The following ARHGEF15 variants were observed in gnomAD, a reference collection of about 807,000 sequenced individuals.
ARHGEF15 encodes the protein Rho guanine nucleotide exchange factor 15.
Under a neutral mutation model 79.7 loss-of-function variants are expected in ARHGEF15, and 58 were observed. That is an observed-to-expected ratio of 0.73 (90% CI 0.59 to 0.91). The LOEUF is 0.91. Ranked by LOEUF, ARHGEF15 falls within the 40% of genes least tolerant of loss-of-function variation. ARHGEF15 has a pLI of 0.00. For missense variants in ARHGEF15, 1,012 were observed against 1,108.1 expected (o/e 0.91, Z 1.23); for synonymous variants, 442 against 456.0 (o/e 0.97, Z 0.39).
At chr17:8,312,753 A>G (rs780727510) in intron 2 of ARHGEF15, 113 bp downstream of exon 2, 3 of 1,594,426 alleles carry the variant, frequency 1.9e-6, no homozygotes, top group Non-Finnish European at 2.6e-6. Flanking sequence ...AATGTTTGGG[A>G]TATCTGGTTT....
At chr17:8,313,776 T>G in intron 4 of ARHGEF15, 1 of 431,394 alleles carries the variant, frequency 2.3e-6, no homozygotes. Flanking sequence ...ACATCTGTAA[T>G]CCCAGCACTC....
At position 8,315,117 on chromosome 17, in the gene ARHGEF15, G is replaced by A. The variant is rs1323776395; in HGVS notation, c.1100G>A (p.Gly367Glu). ...RAAVLSEELW[G>E]VGEDGSPSPA... Reference sequence around the variant, plus strand: ...GCCGTGCTGTCAGAGGAGCTGTGGGGGGTGGGTGAGGATGGGAGTCCTTCT... The same window carrying A: ...GCCGTGCTGTCAGAGGAGCTGTGGGAGGTGGGTGAGGATGGGAGTCCTTCT... The change falls in exon 6 of 16, where the codon GGG (glycine) becomes GAG (glutamate). Residue 367 changes from glycine to glutamate, a missense_variant. By Grantham distance (98) the Gly-to-Glu change is moderately conservative. Coordinates refer to ENST00000361926, the MANE Select transcript of ARHGEF15 (RefSeq NM_173728.4). The surrounding 1 kb of genome is among the most constrained non-coding windows in gnomAD (Gnocchi z 4.3). 1.9e-6 allele frequency: 3 copies of A among 1,614,002 alleles called. No individual in the cohort carries two copies. The East Asian group carries it at 6.7e-5, about 36-fold the overall frequency.
chr17:8,319,959 A>G (rs1421204425), intron 15 of ARHGEF15, among the ~76,000 whole-genome samples: 5 of 147,112 alleles, frequency 3.4e-5, no homozygotes, highest in Admixed American at 2.7e-4. Context: ...TTTTTTTTTA[A>G]TGGAGGTGGG....
rs771180941 is a variant in ARHGEF15, at chr17:8,315,775, C to T, written c.1442C>T (p.Ser481Phe). The T allele has an allele frequency of 6.2e-7, 1 of 1,613,346 alleles. No individual in the cohort carries two copies. The highest frequency in any genetic ancestry group is 1.7e-5 in the Admixed American group (1 of 59,994). Residue 481 changes from serine (S) to phenylalanine (F), a missense_variant, in exon 8 of 16, where the codon TCC (serine) becomes TTC (phenylalanine). Around this residue, in one of 3 missense-constraint regions of ARHGEF15, gnomAD observed 818 missense variants for 882.5 expected, o/e 0.93. Transcript: ENST00000361926. This position sits in a 1 kb window ranked among gnomAD's most constrained non-coding sequence, Gnocchi z 4.3. The part of the protein sequence containing the change: ...VSERFLATLL[S>F]RVRSSPHISD... ...TTCAGGTTTCTAGCAACGCTCCTGT[C>T]CCGTGTGCGCTCTTCCCCCCACATC...
rs575679781 is a variant in ARHGEF15, at chr17:8,321,288, C to T, written c.*295C>T. 6.6e-6 allele frequency: 2 copies of T among 304,812 alleles called. No individual in the cohort carries two copies. The highest frequency in any genetic ancestry group is 9.2e-5 in the Admixed American group (2 of 21,656). 18.9% of individuals were successfully genotyped at this position (304,812 alleles called of 1,614,324 possible). A position where few individuals can be genotyped will look rare whatever the true frequency, so the allele number is the denominator to read the frequency against. Reference sequence around the variant, plus strand: ...GGCCAATGAGTATTCCTGCTATGCTCAGGGCCAAGGAAGACAAATCTAGGT... The same window carrying T: ...GGCCAATGAGTATTCCTGCTATGCTTAGGGCCAAGGAAGACAAATCTAGGT... On this transcript the variant is annotated 3_prime_UTR_variant, in exon 16 of 16. Transcript: ENST00000361926.
chr17:8,319,922 T>A (rs575937386), intron 15 of ARHGEF15, among the ~76,000 whole-genome samples: 1 of 150,486 alleles, frequency 6.6e-6, no homozygotes, highest in African/African-American at 2.4e-5. Context: ...CATGAGCCTC[T>A]GGTGCCAGGC....
chr17:8,316,583 G>A (rs939470390), intron 9 of ARHGEF15, among the ~76,000 whole-genome samples: 2 of 152,190 alleles, frequency 1.3e-5, no homozygotes, highest in Non-Finnish European at 2.9e-5. Flanking sequence ...TGGTTCTTTG[G>A]GGGTGAAAAT....
rs750037908 is a variant in ARHGEF15, at chr17:8,319,550, G to A, written c.2321G>A (p.Gly774Glu). ...SESSAPAKTE[G>E]RSLESRAAPK... is the part of the protein sequence containing the mutation. ...TCGTCTGCACCTGCCAAGACTGAAGGACGGAGTCTGGAGTCCAGGGCTGCC... is the reference window on the plus strand; with the variant it reads ...TCGTCTGCACCTGCCAAGACTGAAGAACGGAGTCTGGAGTCCAGGGCTGCC... The change falls in exon 15 of 16, where the codon GGA becomes GAA. Residue 774 changes from glycine to glutamate, a missense_variant. Gly to Glu is a moderately conservative substitution (Grantham distance 98). Transcript: ENST00000361926. 1.2e-6 allele frequency: 2 copies of A among 1,611,762 alleles called. No individual in the cohort carries two copies. The highest frequency in any genetic ancestry group is 1.7e-6 in the Non-Finnish European group (2 of 1,179,248).
At chr17:8,317,768 A>C (rs1329353871) in intron 9 of ARHGEF15, among the ~76,000 whole-genome samples, 1 of 152,144 alleles carries the variant, frequency 6.6e-6, no homozygotes, top group East Asian at 1.9e-4. Flanking sequence ...TAATTATTAA[A>C]ATAATAGGAA....
chr17:8,319,707 C>T, intron 15 of ARHGEF15, 104 bp downstream of exon 15: 3 of 895,652 alleles, frequency 3.3e-6, no homozygotes, highest in Non-Finnish European at 1.6e-6. Flanking sequence ...GTGAGCTCGG[C>T]TCACTGCAAC....
chr17:8,314,110 C>A (rs1904851293), intron 4 of ARHGEF15: 1 of 152,152 alleles, frequency 6.6e-6, no homozygotes, highest in East Asian at 1.9e-4. Context: ...GGAACCACCT[C>A]ATGGAATCGT....
chr17:8,315,284 G>A lies in ARHGEF15; in HGVS notation c.1260+7G>A. The A allele has an allele frequency of 6.2e-7, 1 of 1,612,616 alleles. No homozygotes were observed. Among genetic ancestry groups the A allele is most frequent in the Non-Finnish European group, 8.5e-7 (1 of 1,179,660 alleles). The stretch of plus-strand genomic sequence containing the variant: ...GGAGAGGCGCATGCAGGAGGTGGGA[G>A]CTGGAGGTGGGAGATGGGAGGGGGG... On this transcript the variant is annotated splice_region_variant and intron_variant, in intron 6 of 15. Coordinates refer to ENST00000361926, the MANE Select transcript of ARHGEF15 (RefSeq NM_173728.4). This position sits in a 1 kb window ranked among gnomAD's most constrained non-coding sequence, Gnocchi z 4.3.
At position 8,321,319 on chromosome 17, in the gene ARHGEF15, C is replaced by A; in HGVS notation, c.*326C>A. On this transcript the variant is annotated 3_prime_UTR_variant, in exon 16 of 16. Transcript: ENST00000361926. ...CAAGGAAGACAAATCTAGGTCATGGCAGTTGAAAAAGGGCCTCATTGGAGA... is the reference window on the plus strand; with the variant it reads ...CAAGGAAGACAAATCTAGGTCATGGAAGTTGAAAAAGGGCCTCATTGGAGA... The A allele has an allele frequency of 4.5e-6, 1 of 223,968 alleles. No homozygotes were observed. 13.9% of individuals were successfully genotyped at this position (223,968 alleles called of 1,614,324 possible).
rs777007358 is a variant in ARHGEF15, at chr17:8,320,885, G to T, written c.2418G>T (p.Val806=). 9 of 1,613,652 alleles carry T rather than the reference G, an allele frequency of 5.6e-6. No individual in the cohort carries two copies. Among genetic ancestry groups the T allele is most frequent in the Non-Finnish European group, 7.6e-6 (9 of 1,179,986 alleles). The change falls in exon 16 of 16, where the codon GTG becomes GTT. Residue 806 remains valine, a synonymous_variant. Coordinates refer to ENST00000361926, the MANE Select transcript of ARHGEF15 (RefSeq NM_173728.4). ...GLPGAFPAQL[V]CEVTGEHERR... ...CTGGGGCCTTCCCTGCCCAGCTGGTGTGTGAAGTCACAGGGGAACACGAAA... is the reference window on the plus strand; with the variant it reads ...CTGGGGCCTTCCCTGCCCAGCTGGTTTGTGAAGTCACAGGGGAACACGAAA...
Position 8,315,895 on chromosome 17 carries a change from A to G in ARHGEF15, c.1562A>G (p.Tyr521Cys). 1.2e-6 allele frequency: 2 copies of G among 1,609,698 alleles called. No homozygotes were observed. Among genetic ancestry groups the G allele is most frequent in the Non-Finnish European group, 1.7e-6 (2 of 1,179,942 alleles). Residue 521 changes from tyrosine to cysteine, a missense_variant, in exon 8 of 16, where the codon TAC becomes TGC. Coordinates refer to ENST00000361926, the MANE Select transcript of ARHGEF15 (RefSeq NM_173728.4). This position sits in a 1 kb window ranked among gnomAD's most constrained non-coding sequence, Gnocchi z 4.3. ...AACCAGCAGTATCAGGAGGAGACCT[A>G]CAGCCGCCTCATGTGAGTGTCCCAG... ...VRNQQYQEET[Y>C]SRLMDTNVRF...
Position 8,320,960 on chromosome 17 carries a change from T to C in ARHGEF15, c.2493T>C (p.Ser831=), listed in dbSNP as rs755150759. 6.2e-7 allele frequency: 1 copy of C among 1,614,002 alleles called. No individual in the cohort carries two copies. The highest frequency in any genetic ancestry group is 1.7e-5 in the Admixed American group (1 of 60,016). ...AGAGGCTTCTCGAGGCTGTTGGATC[T>C]TCTTCAGGCACCCCCAATGCCCCCC... ...QNQRLLEAVG[S]SSGTPNAPPP The change falls in exon 16 of 16, where the codon TCT becomes TCC. Residue 831 remains serine (S), a synonymous_variant. Transcript: ENST00000361926.
chr17:8,318,176 G>A lies in ARHGEF15; in HGVS notation c.1705-211G>A. On this transcript the variant is annotated intron_variant, in intron 9 of 15. Transcript: ENST00000361926. The surrounding 1 kb of genome is among the most constrained non-coding windows in gnomAD (Gnocchi z 5.0). Reference sequence around the variant, plus strand: ...ATCCTCAAAACAATGCTATTGATATGCTAGGTGGGTATTAGCCCCATTTTA... The same window carrying A: ...ATCCTCAAAACAATGCTATTGATATACTAGGTGGGTATTAGCCCCATTTTA... 1 of 570,222 alleles carries A rather than the reference G, an allele frequency of 1.8e-6. No individual in the cohort carries two copies. The highest frequency in any genetic ancestry group is 3.2e-6 in the Non-Finnish European group (1 of 317,308). 35.3% of individuals were successfully genotyped at this position (570,222 alleles called of 1,614,324 possible).
Position 8,321,406 on chromosome 17 carries a change from G to T in ARHGEF15, c.*413G>T. On this transcript the variant is annotated 3_prime_UTR_variant, in exon 16 of 16. Coordinates refer to ENST00000361926, the MANE Select transcript of ARHGEF15 (RefSeq NM_173728.4). Reference sequence around the variant, plus strand: ...AGGAAGCCAATCAGCCAAAGAAAATGGTGATCTGGACCCAAGAGACCAGTA... The same window carrying T: ...AGGAAGCCAATCAGCCAAAGAAAATTGTGATCTGGACCCAAGAGACCAGTA... 6.2e-6 allele frequency: 1 copy of T among 160,284 alleles called. No individual in the cohort carries two copies. The highest frequency in any genetic ancestry group is 1.4e-5 in the Non-Finnish European group (1 of 73,016). 9.9% of individuals were successfully genotyped at this position (160,284 alleles called of 1,614,324 possible).
At chr17:8,313,931 G>A (rs750011069) in intron 4 of ARHGEF15, 7 of 165,040 alleles carry the variant, frequency 4.2e-5, no homozygotes, top group Non-Finnish European at 9.1e-5. Context: ...TCGGGAGGCT[G>A]AGGCAGGAGA....
Sources: allele counts gnomAD v4.1 joint callset (sites outside exome capture counted in the v4.1 genomes callset), GRCh38; gene constraint gnomAD v4.1.1; regional missense constraint gnomAD v4.1.1; non-coding constraint Gnocchi (gnomAD v3.1); transcripts MANE v1.5; gene names NCBI Gene and HGNC (gene_info 2026-07-23, HGNC 2026-07-21).